The following MACROD2 variants were observed in gnomAD, a reference collection of about 807,000 sequenced individuals.
MACROD2 encodes mono-ADP ribosylhydrolase 2.
MACROD2 carries 36 observed loss-of-function variants against 70.4 expected under a neutral mutation model. That is an observed-to-expected ratio of 0.51 (90% CI 0.39 to 0.68). The LOEUF is 0.68. Ranked by LOEUF, MACROD2 falls within the 30% of genes least tolerant of loss-of-function variation. The pLI is 0.00. For missense variants in MACROD2, 496 were observed against 538.4 expected, an observed-to-expected ratio of 0.92 and a Z score of 0.78; for synonymous variants, 172 against 178.8, an observed-to-expected ratio of 0.96 and a Z score of 0.30.
At chr20:15,195,406 T>C (rs1052854950) in intron 5 of MACROD2, among the ~76,000 whole-genome samples, 6 of 151,844 alleles carry the variant, frequency 4.0e-5, no homozygotes, top group Non-Finnish European at 8.8e-5. Flanking sequence ...ACAACTCCAT[T>C]AAAAAGTGGG....
At chr20:15,844,578 A>C (rs1010702902) in intron 8 of MACROD2, among the ~76,000 whole-genome samples, 1 of 152,176 alleles carries the variant, frequency 6.6e-6, no homozygotes. Flanking sequence ...GGGATTTGTA[A>C]GTAAGCTCCC....
intron 5 of MACROD2, among the ~76,000 whole-genome samples, chr20:14,921,796 A>T (rs2122639960): frequency 6.6e-6 from 1 of 152,362 alleles, no homozygotes; most frequent in African/African-American, 2.4e-5. Context: ...GACTCATAAA[A>T]TAGTCCAATG....
At chr20:15,287,473 G>A (rs959225038) in intron 6 of MACROD2, among the ~76,000 whole-genome samples, 1 of 152,166 alleles carries the variant, frequency 6.6e-6, no homozygotes, top group Non-Finnish European at 1.5e-5. Flanking sequence ...AAATGACGAG[G>A]GAGAACCATG....
At chr20:14,303,638 A>G (rs1274703375) in intron 3 of MACROD2, among the ~76,000 whole-genome samples, 6 of 152,164 alleles carry the variant, frequency 3.9e-5, no homozygotes, top group African/African-American at 1.4e-4. Context: ...CGTTTCCTTT[A>G]TAACTAGTAC....
intron 8 of MACROD2, among the ~76,000 whole-genome samples, chr20:15,716,464 A>G (rs2146926571): frequency 6.6e-6 from 1 of 152,340 alleles, no homozygotes; most frequent in East Asian, 1.9e-4. Context: ...CAACTAAAGC[A>G]GCTGGGAGCT....
At chr20:15,931,066 C>G (rs926262666) in intron 10 of MACROD2, among the ~76,000 whole-genome samples, 1 of 152,154 alleles carries the variant, frequency 6.6e-6, no homozygotes, top group Non-Finnish European at 1.5e-5. Context: ...TTGAGGGAGA[C>G]AGAGAAGCTG....
At chr20:14,988,447 A>G (rs1167173904) in intron 5 of MACROD2, among the ~76,000 whole-genome samples, 1 of 151,724 alleles carries the variant, frequency 6.6e-6, no homozygotes, top group African/African-American at 2.4e-5. Context: ...CAACATGGCC[A>G]AAGTCTTGCC....
At chr20:14,395,431 T>G (rs973656660) in intron 3 of MACROD2, among the ~76,000 whole-genome samples, 16 of 152,128 alleles carry the variant, frequency 1.1e-4, no homozygotes, top group African/African-American at 3.9e-4. Context: ...TGTAATCTGT[T>G]AAAATGTCAT....
chr20:14,212,329 C>T (rs751710377), intron 3 of MACROD2, among the ~76,000 whole-genome samples: 10 of 152,002 alleles, frequency 6.6e-5, no homozygotes, highest in Non-Finnish European at 1.3e-4. Flanking sequence ...GTATATGGAG[C>T]GCAGTTTCAC....
chr20:15,209,558 A>G (rs932943167), intron 5 of MACROD2, among the ~76,000 whole-genome samples: 1 of 152,144 alleles, frequency 6.6e-6, no homozygotes, highest in Admixed American at 6.5e-5. Context: ...TGAAATTCTA[A>G]TCTTCTTTTG....
intron 8 of MACROD2, among the ~76,000 whole-genome samples, chr20:15,691,532 A>G (rs903376923): frequency 6.6e-6 from 1 of 152,222 alleles, no homozygotes; most frequent in Non-Finnish European, 1.5e-5. Flanking sequence ...CTAGAACATT[A>G]GATGGTGACA....
chr20:15,429,164 C>T (rs1033427385), intron 6 of MACROD2, among the ~76,000 whole-genome samples: 10 of 152,086 alleles, frequency 6.6e-5, no homozygotes, highest in African/African-American at 1.4e-4. Flanking sequence ...CGGAGAGTAA[C>T]GCCTATTGAT....
At chr20:15,821,507 A>G (rs2063937638) in intron 8 of MACROD2, among the ~76,000 whole-genome samples, 1 of 152,194 alleles carries the variant, frequency 6.6e-6, no homozygotes, top group African/African-American at 2.4e-5. Context: ...CCGGATTTGG[A>G]AATGCTAACT....
At chr20:14,676,921 G>A (rs35711110) in intron 4 of MACROD2, among the ~76,000 whole-genome samples, 21,454 of 151,944 alleles carry the variant, frequency 0.14, 1,900 homozygotes, top group East Asian at 0.36. Context: ...AACTACCACA[G>A]GGCCAATTTC....
At chr20:15,655,896 C>T (rs557445164) in intron 8 of MACROD2, among the ~76,000 whole-genome samples, 1 of 152,248 alleles carries the variant, frequency 6.6e-6, no homozygotes, top group East Asian at 1.9e-4. Context: ...GTTTGTTTTT[C>T]CATCTTTGAT....
intron 4 of MACROD2, among the ~76,000 whole-genome samples, chr20:14,529,767 G>C (rs2085279732): frequency 6.6e-6 from 1 of 152,138 alleles, no homozygotes; most frequent in African/African-American, 2.4e-5. Flanking sequence ...TTATTAACTA[G>C]TGGTACCTGC....
chr20:15,769,732 T>A (rs893703366), intron 8 of MACROD2, among the ~76,000 whole-genome samples: 1 of 152,202 alleles, frequency 6.6e-6, no homozygotes, highest in Non-Finnish European at 1.5e-5. Flanking sequence ...ACTATATATA[T>A]CCTTAAAGTT....
intron 2 of MACROD2, among the ~76,000 whole-genome samples, chr20:14,010,193 A>T (rs146932412): frequency 6.6e-6 from 1 of 152,238 alleles, no homozygotes; most frequent in African/African-American, 2.4e-5. Context: ...ATATTTTTAT[A>T]CATGTTTATC....
chr20:15,767,059 C>T (rs1254975931), intron 8 of MACROD2, among the ~76,000 whole-genome samples: 1 of 152,318 alleles, frequency 6.6e-6, no homozygotes, highest in East Asian at 1.9e-4. Flanking sequence ...GGCAGTGCTG[C>T]CAAGAGTTTA....
Sources: allele counts gnomAD v4.1 joint callset (sites outside exome capture counted in the v4.1 genomes callset), GRCh38; gene constraint gnomAD v4.1.1; transcripts MANE v1.5; gene names NCBI Gene and HGNC (gene_info 2026-07-23, HGNC 2026-07-21).